The following CEP112 variants were observed in gnomAD, a reference collection of about 807,000 sequenced individuals.
CEP112 encodes the protein centrosomal protein of 112 kDa.
CEP112 carries 127 observed loss-of-function variants against 153.0 expected under a neutral mutation model. That is an observed-to-expected ratio of 0.83 (90% CI 0.72 to 0.96). CEP112 has a LOEUF of 0.96. Ranked by LOEUF, CEP112 falls within the 40% of genes least tolerant of loss-of-function variation. The pLI, the probability that CEP112 is intolerant of heterozygous loss-of-function variation, is 0.00. For missense variants in CEP112, 1,089 were observed against 1,101.2 expected (o/e 0.99, Z 0.16); for synonymous variants, 358 against 374.4 (o/e 0.96, Z 0.51).
chr17:65,852,308 CCCTTCCCTTT>C (rs1326409040), intron 20 of CEP112, among the ~76,000 whole-genome samples: 56 of 69,766 alleles, frequency 8.0e-4, no homozygotes, highest in African/African-American at 2.8e-3. Flanking sequence ...CCCTTCCCTT[CCCTTCCCTTT>C]CCTTCCCTTT....
chr17:65,747,291 C>T (rs2051530533), intron 22 of CEP112, among the ~76,000 whole-genome samples: 1 of 147,834 alleles, frequency 6.8e-6, no homozygotes, highest in African/African-American at 2.6e-5. Flanking sequence ...GGTTGGCCCC[C>T]AGGAGGCTGG....
intron 17 of CEP112, among the ~76,000 whole-genome samples, chr17:65,983,735 A>T (rs2063308045): frequency 6.6e-6 from 1 of 152,224 alleles, no homozygotes; most frequent in Non-Finnish European, 1.5e-5. Context: ...GTAGAACTAT[A>T]AACCTCTTTT....
intron 17 of CEP112, among the ~76,000 whole-genome samples, chr17:65,984,532 G>A (rs1396257790): frequency 6.6e-6 from 1 of 151,894 alleles, no homozygotes; most frequent in South Asian, 2.1e-4. Context: ...ACAGAAGACC[G>A]ACAAAACAGA....
intron 17 of CEP112, among the ~76,000 whole-genome samples, chr17:66,001,917 A>G (rs2064070939): frequency 6.6e-6 from 1 of 152,226 alleles, no homozygotes; most frequent in Non-Finnish European, 1.5e-5. Context: ...AAAGTTTCAG[A>G]TAACTTTCCA....
At chr17:65,878,315 A>G (rs1314024479) in intron 20 of CEP112, among the ~76,000 whole-genome samples, 1 of 152,216 alleles carries the variant, frequency 6.6e-6, no homozygotes, top group Non-Finnish European at 1.5e-5. Flanking sequence ...ACATCAAATT[A>G]TGCATCTTAA....
At chr17:65,789,136 C>G (rs1371734351) in intron 21 of CEP112, among the ~76,000 whole-genome samples, 1 of 152,186 alleles carries the variant, frequency 6.6e-6, no homozygotes, top group African/African-American at 2.4e-5. Flanking sequence ...TGAACTCGAT[C>G]ATTTCTTCTT....
At chr17:65,751,647 T>C (rs1338993250) in intron 21 of CEP112, among the ~76,000 whole-genome samples, 1 of 152,242 alleles carries the variant, frequency 6.6e-6, no homozygotes, top group East Asian at 1.9e-4. Context: ...TCTCTTTTTC[T>C]TGTTGTTTCT....
At chr17:66,166,716 G>A (rs1182270401) in intron 4 of CEP112, among the ~76,000 whole-genome samples, 3 of 151,978 alleles carry the variant, frequency 2.0e-5, no homozygotes, top group South Asian at 2.1e-4. Context: ...TGGCCAGCAC[G>A]ATGAAACCTC....
At chr17:65,763,791 T>A (rs1440621920) in intron 21 of CEP112, among the ~76,000 whole-genome samples, 1 of 152,134 alleles carries the variant, frequency 6.6e-6, no homozygotes, top group Admixed American at 6.6e-5. Flanking sequence ...AATTTTAAGA[T>A]CTCTGTCATA....
chr17:65,833,799 C>A (rs2057187981), intron 21 of CEP112, among the ~76,000 whole-genome samples: 1 of 152,116 alleles, frequency 6.6e-6, no homozygotes, highest in South Asian at 2.1e-4. Context: ...AAATTCAATG[C>A]TATACCTACC....
intron 1 of CEP112, among the ~76,000 whole-genome samples, chr17:66,189,059 G>C (rs1217196903): frequency 6.6e-6 from 1 of 152,124 alleles, no homozygotes; most frequent in African/African-American, 2.4e-5. Flanking sequence ...TTTAACATTA[G>C]AGGAAACTAA....
intron 4 of CEP112, among the ~76,000 whole-genome samples, chr17:66,145,143 G>C (rs1161337400): frequency 1.3e-5 from 2 of 152,154 alleles, no homozygotes; most frequent in Non-Finnish European, 2.9e-5. Flanking sequence ...CCCTGCTAAA[G>C]AATGCTGTTG....
Position 66,165,348 on chromosome 17 carries a change from G to A in CEP112, c.470+9696C>T, listed in dbSNP as rs140243721. ...TTCAATAGTCACGTTTACTGGTGGCGACTGTATTGGACAGTGCCGCCTATA... is the reference window on the plus strand; with the variant it reads ...TTCAATAGTCACGTTTACTGGTGGCAACTGTATTGGACAGTGCCGCCTATA... On this transcript the variant is annotated intron_variant, in intron 4 of 26. Transcript: ENST00000535342. Among the ~76,000 whole-genome samples the A allele has an allele frequency of 1.6e-4, 25 of 152,256 alleles. No homozygotes were observed. In the East Asian group the frequency reaches 3.5e-3, roughly 21 times the overall value.
rs2063515253 is a variant in CEP112 at position 65,989,342 on chromosome 17, A to C, written c.1736+16348T>G. Among the ~76,000 whole-genome samples the C allele has an allele frequency of 2.6e-5, 4 of 152,102 alleles. No homozygotes were observed. The South Asian group carries it at 8.3e-4, about 31-fold the overall frequency. On this transcript the variant is annotated intron_variant, in intron 17 of 26. Coordinates refer to ENST00000535342, the MANE Select transcript of CEP112 (RefSeq NM_001199165.4). ...ACATTGGGCACTCAAAGGCCAAGAC[A>C]AAGAGAGAATCCTAAAAGGAGCAAG...
intron 17 of CEP112, among the ~76,000 whole-genome samples, chr17:66,002,495 A>G (rs1439898937): frequency 2.0e-5 from 3 of 152,194 alleles, no homozygotes; most frequent in Non-Finnish European, 2.9e-5. Context: ...GCTTGGAAAT[A>G]GAAAAGAAAG....
At chr17:65,674,211 A>T (rs1294811754) in intron 24 of CEP112, among the ~76,000 whole-genome samples, 1 of 152,220 alleles carries the variant, frequency 6.6e-6, no homozygotes, top group Non-Finnish European at 1.5e-5. Context: ...AAAACAAATC[A>T]ATAGAAACAA....
At chr17:65,650,844 G>C (rs905901916) in intron 24 of CEP112, among the ~76,000 whole-genome samples, 1 of 151,744 alleles carries the variant, frequency 6.6e-6, no homozygotes, top group African/African-American at 2.4e-5. Flanking sequence ...GGAGGCGGAG[G>C]TTGCAGTGAG....
At chr17:65,722,402 C>A (rs2049936960) in intron 23 of CEP112, among the ~76,000 whole-genome samples, 1 of 152,164 alleles carries the variant, frequency 6.6e-6, no homozygotes, top group Non-Finnish European at 1.5e-5. Flanking sequence ...GCACACACCA[C>A]CACACCCAGC....
chr17:65,733,173 GAGGGAAGCCCA>G (rs2050609085), intron 23 of CEP112, among the ~76,000 whole-genome samples: 1 of 152,174 alleles, frequency 6.6e-6, no homozygotes, highest in Non-Finnish European at 1.5e-5. Context: ...TCTCAGGGAA[GAGGGAAGCCCA>G]AGGAGATGGA....
Sources: gnomAD v4.1 joint callset for allele counts (sites outside exome capture counted in the v4.1 genomes callset) on GRCh38, gnomAD v4.1.1 for gene constraint, MANE v1.5 for transcripts, NCBI Gene and HGNC (gene_info 2026-07-23, HGNC 2026-07-21) for gene names.